Variants in CACNA2D3 observed in about 807,000 individuals in gnomAD.
The protein encoded by CACNA2D3 is calcium voltage-gated channel auxiliary subunit alpha2delta 3, also known as voltage-dependent calcium channel subunit alpha-2/delta-3.
A neutral mutation model predicts 160.6 loss-of-function variants in CACNA2D3; 60 were observed. The ratio of observed to expected loss-of-function variants is 0.37; its 90% CI spans 0.30 to 0.46. The LOEUF is 0.46. Ranked by LOEUF, CACNA2D3 falls within the 20% of genes least tolerant of loss-of-function variation. The pLI is 1.00. For synonymous variants in CACNA2D3, 558 were observed against 492.9 expected (o/e 1.13, Z -1.75); for missense variants, 1,205 against 1,365.0 (o/e 0.88, Z 1.85).
intron 27 of CACNA2D3, chr3:54,925,192 C>T: frequency 1.9e-6 from 3 of 1,612,362 alleles, no homozygotes; most frequent in Non-Finnish European, 2.5e-6. Context: ...AGGACAATCA[C>T]ACTGGAAAAC....
chr3:54,290,736 A>T (rs1487151373), intron 2 of CACNA2D3, among the ~76,000 whole-genome samples: 1 of 152,050 alleles, frequency 6.6e-6, no homozygotes, highest in Non-Finnish European at 1.5e-5. Context: ...GCCATAAAAA[A>T]TGATGAGTTC....
intron 5 of CACNA2D3, among the ~76,000 whole-genome samples, chr3:54,546,107 A>G (rs186156984): frequency 6.6e-5 from 10 of 152,266 alleles, no homozygotes; most frequent in Admixed American, 4.6e-4. Context: ...TTGTGGCCCT[A>G]TAAGGGGAAA....
chr3:54,494,043 G>T (rs957719799), intron 4 of CACNA2D3, among the ~76,000 whole-genome samples: 4 of 152,202 alleles, frequency 2.6e-5, no homozygotes, highest in African/African-American at 9.6e-5. Context: ...TTTGTCTCTG[G>T]TATTTTATAT....
chr3:54,416,505 T>C (rs954100488), intron 4 of CACNA2D3, among the ~76,000 whole-genome samples: 3 of 152,196 alleles, frequency 2.0e-5, no homozygotes, highest in Admixed American at 6.5e-5. Flanking sequence ...CACAGGTGAT[T>C]GGTTATCATC....
At chr3:54,327,551 G>A (rs1269325810) in intron 3 of CACNA2D3, among the ~76,000 whole-genome samples, 1 of 152,168 alleles carries the variant, frequency 6.6e-6, no homozygotes, top group Admixed American at 6.5e-5. Flanking sequence ...CATTTGCAAA[G>A]CTTTATGGAA....
chr3:54,765,252 C>T (rs1462826125), intron 13 of CACNA2D3, among the ~76,000 whole-genome samples: 1 of 152,126 alleles, frequency 6.6e-6, no homozygotes. Context: ...CATGTGGGAA[C>T]TCATTTCAGG....
chr3:54,758,571 G>GT (rs921573305), intron 12 of CACNA2D3, among the ~76,000 whole-genome samples: 7 of 152,114 alleles, frequency 4.6e-5, no homozygotes, highest in African/African-American at 1.4e-4. Context: ...AGAAATAAGT[G>GT]TTTTTTTCAG....
At chr3:54,970,306 C>T (rs569770787) in intron 29 of CACNA2D3, among the ~76,000 whole-genome samples, 1 of 152,106 alleles carries the variant, frequency 6.6e-6, no homozygotes, top group African/African-American at 2.4e-5. Context: ...AACAAAAAAC[C>T]TAGGAGTTAA....
intron 35 of CACNA2D3, among the ~76,000 whole-genome samples, chr3:55,034,815 T>C (rs1456429574): frequency 6.6e-6 from 1 of 152,166 alleles, no homozygotes; most frequent in Non-Finnish European, 1.5e-5. Flanking sequence ...CTTAGGCTCT[T>C]AATATTTGGC....
chr3:54,776,722 A>G (rs1005908544), intron 13 of CACNA2D3, among the ~76,000 whole-genome samples: 2 of 151,774 alleles, frequency 1.3e-5, no homozygotes, highest in African/African-American at 2.4e-5. Flanking sequence ...CTTCTTTCCT[A>G]TTCTCTGAGC....
At chr3:54,893,206 G>A (rs982539161) in intron 25 of CACNA2D3, among the ~76,000 whole-genome samples, 2 of 152,146 alleles carry the variant, frequency 1.3e-5, no homozygotes, top group Admixed American at 6.5e-5. Flanking sequence ...AACCCGGGAG[G>A]TGAAGGCTGT....
chr3:54,166,659 G>A (rs1700463387), intron 2 of CACNA2D3, among the ~76,000 whole-genome samples: 1 of 152,150 alleles, frequency 6.6e-6, no homozygotes, highest in Admixed American at 6.5e-5. Context: ...AGGTGTTAGT[G>A]ATGCTATTGC....
At chr3:55,036,419 C>T (rs557081228) in intron 35 of CACNA2D3, among the ~76,000 whole-genome samples, 1 of 152,098 alleles carries the variant, frequency 6.6e-6, no homozygotes, top group East Asian at 1.9e-4. Context: ...GCCATACACA[C>T]AAAACCCTTG....
intron 24 of CACNA2D3, among the ~76,000 whole-genome samples, chr3:54,889,268 G>A (rs1370704463): frequency 6.6e-6 from 1 of 152,168 alleles, no homozygotes; most frequent in African/African-American, 2.4e-5. Flanking sequence ...TTTTAAGAAG[G>A]GGAAGAAAAT....
chr3:54,301,867 G>T (rs1215428477), intron 2 of CACNA2D3, among the ~76,000 whole-genome samples: 2 of 152,146 alleles, frequency 1.3e-5, no homozygotes, highest in African/African-American at 4.8e-5. Context: ...TATGACTCAG[G>T]CAGATACATG....
At chr3:54,217,672 G>A (rs904405285) in intron 2 of CACNA2D3, among the ~76,000 whole-genome samples, 1 of 152,190 alleles carries the variant, frequency 6.6e-6, no homozygotes, top group Non-Finnish European at 1.5e-5. Flanking sequence ...GCAGCCACCA[G>A]AAGCTGGAAG....
intron 21 of CACNA2D3, 64 bp from the exon 22 acceptor site, chr3:54,885,210 GAATATTT>G (rs1440084436): frequency 3.2e-6 from 5 of 1,547,554 alleles, no homozygotes; most frequent in Non-Finnish European, 4.5e-6. Context: ...CCCTACCCTA[GAATATTT>G]GAAGCACACA....
chr3:54,300,355 G>A (rs62254149), intron 2 of CACNA2D3, among the ~76,000 whole-genome samples: 22,556 of 152,256 alleles, frequency 0.15, 1,785 homozygotes, highest in East Asian at 0.3. Context: ...CTGCCACGTG[G>A]CATATTCTCC....
intron 11 of CACNA2D3, among the ~76,000 whole-genome samples, chr3:54,653,593 T>C (rs1411679204): frequency 6.6e-6 from 1 of 152,222 alleles, no homozygotes; most frequent in African/African-American, 2.4e-5. Context: ...AGAGTTGAGA[T>C]GGTTCATTGT....
Sources: gnomAD v4.1 joint callset for allele counts (sites outside exome capture counted in the v4.1 genomes callset) on GRCh38, gnomAD v4.1.1 for gene constraint, MANE v1.5 for transcripts, NCBI Gene and HGNC (gene_info 2026-07-23, HGNC 2026-07-21) for gene names.